Variants in AGAP1 observed in about 807,000 individuals in gnomAD.
The protein encoded by AGAP1 is arf-GAP with GTPase, ANK repeat and PH domain-containing protein 1.
Under a neutral mutation model 105.3 loss-of-function variants are expected in AGAP1, and 29 were observed. The ratio of observed to expected loss-of-function variants is 0.28; its 90% CI spans 0.21 to 0.38. The LOEUF is 0.38. AGAP1 is among the 10% of genes least tolerant of loss of function. The pLI, the probability that AGAP1 is intolerant of heterozygous loss-of-function variation, is 1.00. For synonymous variants in AGAP1, 509 were observed against 485.9 expected (o/e 1.05, Z -0.63); for missense variants, 998 against 1,165.1 (o/e 0.86, Z 2.09).
At chr2:235,880,954 C>G (rs1221963667) in intron 9 of AGAP1, among the ~76,000 whole-genome samples, 3 of 152,118 alleles carry the variant, frequency 2.0e-5, no homozygotes, top group African/African-American at 7.2e-5. Context: ...TTCCTGTGGG[C>G]TTCATTGGGT....
rs564012181 is a variant in AGAP1 at position 236,105,773 on chromosome 2, A to G, written c.2115-14419A>G. On this transcript the variant is annotated intron_variant, in intron 16 of 17. Transcript: ENST00000304032. This position sits in a 1 kb window ranked among gnomAD's most constrained non-coding sequence, Gnocchi z 4.2. Reference sequence around the variant, plus strand: ...CATGCCCGGCTGATTTTGTTTTTGTATTTTTAGTAGAGACGGGGTTTCACC... The same window carrying G: ...CATGCCCGGCTGATTTTGTTTTTGTGTTTTTAGTAGAGACGGGGTTTCACC... Among the ~76,000 whole-genome samples, 49 of 151,878 alleles carry G rather than the reference A, an allele frequency of 3.2e-4. No individual in the cohort carries two copies. The highest frequency in any genetic ancestry group is 1.2e-3 in the African/African-American group (49 of 41,436).
Position 235,729,499 on chromosome 2 carries a change from G to A in AGAP1, c.311-11464G>A, listed in dbSNP as rs373610395. Among the ~76,000 whole-genome samples the A allele has an allele frequency of 7.1e-4, 108 of 152,268 alleles. 1 individual carries two copies. Among genetic ancestry groups the A allele is most frequent in the African/African-American group, 2.5e-3 (104 of 41,514 alleles). ...CCTCCCCCAGGAGGATGCTGTAGGGGCAGTCTCACGGCGGTCTCACCTCTG... is the reference window on the plus strand; with the variant it reads ...CCTCCCCCAGGAGGATGCTGTAGGGACAGTCTCACGGCGGTCTCACCTCTG... On this transcript the variant is annotated intron_variant, in intron 3 of 17. Transcript: ENST00000304032. The surrounding 1 kb of genome is among the most constrained non-coding windows in gnomAD (Gnocchi z 5.0).
chr2:235,526,404 A>G (rs1459515184), intron 1 of AGAP1, among the ~76,000 whole-genome samples: 1 of 152,232 alleles, frequency 6.6e-6, no homozygotes, highest in African/African-American at 2.4e-5. Context: ...GGTGCACCAC[A>G]GATGTCTTGG....
At position 235,575,640 on chromosome 2, in the gene AGAP1, C is replaced by T. The variant is rs953393178; in HGVS notation, c.163+80791C>T. 3.9e-5 allele frequency among the ~76,000 whole-genome samples: 6 copies of T among 152,210 alleles called. No homozygotes were observed. The South Asian group carries it at 6.2e-4, about 16-fold the overall frequency. ...GTATCCAGAGACAAACTCAGACATGCGCCCTGGGCTCTACTCCTGGAACCT... is the reference window on the plus strand; with the variant it reads ...GTATCCAGAGACAAACTCAGACATGTGCCCTGGGCTCTACTCCTGGAACCT... On this transcript the variant is annotated intron_variant, in intron 1 of 17. Transcript: ENST00000304032.
chr2:235,642,973 G>T lies in AGAP1; in HGVS notation c.164-66206G>T, dbSNP rs1292993976. Among the ~76,000 whole-genome samples, 1 of 152,192 alleles carries T rather than the reference G, an allele frequency of 6.6e-6. No individual in the cohort carries two copies. The highest frequency in any genetic ancestry group is 1.9e-4 in the East Asian group (1 of 5,190). On this transcript the variant is annotated intron_variant, in intron 1 of 17. Coordinates refer to ENST00000304032, the MANE Select transcript of AGAP1 (RefSeq NM_001037131.3). The surrounding 1 kb of genome is among the most constrained non-coding windows in gnomAD (Gnocchi z 4.1). ...CCTGGCAAGGTACCGAACGGTGGAGGTGACTGTAGGATTAGCCCCGGCTTT... is the reference window on the plus strand; with the variant it reads ...CCTGGCAAGGTACCGAACGGTGGAGTTGACTGTAGGATTAGCCCCGGCTTT...
At chr2:236,075,911 T>C (rs910043407) in intron 16 of AGAP1, among the ~76,000 whole-genome samples, 1 of 152,310 alleles carries the variant, frequency 6.6e-6, no homozygotes, top group Admixed American at 6.5e-5. Context: ...AGAAGTTCCA[T>C]TAGAGCAAAC....
At chr2:235,628,772 C>T (rs1281134329) in intron 1 of AGAP1, among the ~76,000 whole-genome samples, 3 of 152,028 alleles carry the variant, frequency 2.0e-5, no homozygotes, top group Non-Finnish European at 2.9e-5. Flanking sequence ...CCCTGCTTCC[C>T]CTCCCATCCT....
At chr2:235,911,406 G>C (rs2051607855) in intron 11 of AGAP1, among the ~76,000 whole-genome samples, 1 of 152,188 alleles carries the variant, frequency 6.6e-6, no homozygotes, top group South Asian at 2.1e-4. Context: ...GGGGCTACCT[G>C]CTGAGTTTGA....
At chr2:235,537,216 C>T (rs543422564) in intron 1 of AGAP1, among the ~76,000 whole-genome samples, 7 of 152,254 alleles carry the variant, frequency 4.6e-5, no homozygotes, top group South Asian at 4.2e-4. Flanking sequence ...ACAATGAGAG[C>T]GGGGGTGGTG....
rs2059843778 is a variant in AGAP1, at chr2:236,119,209, A to G, written c.2115-983A>G. Among the ~76,000 whole-genome samples the G allele has an allele frequency of 6.6e-6, 1 of 151,400 alleles. No homozygotes were observed. The highest frequency in any genetic ancestry group is 1.5e-5 in the Non-Finnish European group (1 of 67,832). On this transcript the variant is annotated intron_variant, in intron 16 of 17. Transcript: ENST00000304032. The surrounding 1 kb of genome is among the most constrained non-coding windows in gnomAD (Gnocchi z 6.6). ...GCATCATCCACTCTCCACACCTCCG[A>G]CCCCATCCACCCCCTCCCCAGCTTT...
chr2:236,010,799 A>G (rs917212398), intron 13 of AGAP1, among the ~76,000 whole-genome samples: 3 of 152,238 alleles, frequency 2.0e-5, no homozygotes, highest in African/African-American at 4.8e-5. Flanking sequence ...ATTTTGTCTT[A>G]GAGTTTGGGA....
chr2:235,800,479 G>A (rs6760477), intron 8 of AGAP1, among the ~76,000 whole-genome samples: 83,035 of 151,838 alleles, frequency 0.55, 23,104 homozygotes, highest in Admixed American at 0.59. Flanking sequence ...CAAAAATGCT[G>A]CCAGCCTGTC....
In AGAP1 at chr2:235,824,751, T is replaced by G. The variant is rs1365828354; in HGVS notation, c.1050+17420T>G. 5.9e-5 allele frequency among the ~76,000 whole-genome samples: 9 copies of G among 152,166 alleles called. No individual in the cohort carries two copies. Among genetic ancestry groups the G allele is most frequent in the African/African-American group, 1.4e-4 (6 of 41,430 alleles). On this transcript the variant is annotated intron_variant, in intron 9 of 17. Coordinates refer to ENST00000304032, the MANE Select transcript of AGAP1 (RefSeq NM_001037131.3). The surrounding 1 kb of genome is among the most constrained non-coding windows in gnomAD (Gnocchi z 5.2). ...GTGCCCTTATATGAGACGGCCTGCA[T>G]TCTTTCGCGGTACCAAGAAATGCTC...
chr2:235,799,302 C>G lies in AGAP1; in HGVS notation c.802-65C>G. On this transcript the variant is annotated intron_variant, in intron 7 of 17. Coordinates refer to ENST00000304032, the MANE Select transcript of AGAP1 (RefSeq NM_001037131.3). The surrounding 1 kb of genome is among the most constrained non-coding windows in gnomAD (Gnocchi z 5.0). The stretch of plus-strand genomic sequence containing the variant: ...TGCTCACTTGTTGGTTATGACCTTG[C>G]CTAAGTGGAGGTCTTGGGTTCCTGA... 2 of 1,566,760 alleles carry G rather than the reference C, an allele frequency of 1.3e-6. No individual in the cohort carries two copies. Among genetic ancestry groups the G allele is most frequent in the South Asian group, 1.2e-5 (1 of 83,438 alleles).
At position 235,566,891 on chromosome 2, in the gene AGAP1, C is replaced by T. The variant is rs893099366; in HGVS notation, c.163+72042C>T. On this transcript the variant is annotated intron_variant, in intron 1 of 17. Coordinates refer to ENST00000304032, the MANE Select transcript of AGAP1 (RefSeq NM_001037131.3). The surrounding 1 kb of genome is among the most constrained non-coding windows in gnomAD (Gnocchi z 5.2). ...GGATCAAGGTGTGCCCAGAGCTGTGCTCCCTCCAGAGGATAGAGCAGGATT... is the reference window on the plus strand; with the variant it reads ...GGATCAAGGTGTGCCCAGAGCTGTGTTCCCTCCAGAGGATAGAGCAGGATT... Among the ~76,000 whole-genome samples the T allele has an allele frequency of 6.6e-6, 1 of 152,210 alleles. No individual in the cohort carries two copies. Among genetic ancestry groups the T allele is most frequent in the Non-Finnish European group, 1.5e-5 (1 of 68,028 alleles).
chr2:236,048,136 G>A (rs538292658), intron 15 of AGAP1, among the ~76,000 whole-genome samples: 3 of 152,300 alleles, frequency 2.0e-5, no homozygotes, highest in Middle Eastern at 6.8e-3. Context: ...TCCCAGGTGA[G>A]TAAGCCGTAT....
In AGAP1 at chr2:235,740,853, C is replaced by T; in HGVS notation, c.311-110C>T. ...GGCAACATCCTAAATACTCAGTTGC[C>T]TCCAGGGCGACAGCCTAGGGTGTAT... On this transcript the variant is annotated intron_variant, in intron 3 of 17. Transcript: ENST00000304032. The surrounding 1 kb of genome is among the most constrained non-coding windows in gnomAD (Gnocchi z 5.7). 1 of 1,285,760 alleles carries T rather than the reference C, an allele frequency of 7.8e-7. No homozygotes were observed. The highest frequency in any genetic ancestry group is 1.9e-5 in the Admixed American group (1 of 52,554). The allele number at this position is 1,285,760 out of a possible 1,614,324, so 79.6% of individuals were successfully genotyped here. A position where few individuals can be genotyped will look rare whatever the true frequency, so the allele number is the denominator to read the frequency against.
At position 235,612,877 on chromosome 2, in the gene AGAP1, G is replaced by A. The variant is rs549164673; in HGVS notation, c.164-96302G>A. ...CTGCTTCCAGTGAGACTCCGCCCAG[G>A]TTATGTTTGTGGCCTTTTATCTCTC... On this transcript the variant is annotated intron_variant, in intron 1 of 17. Coordinates refer to ENST00000304032, the MANE Select transcript of AGAP1 (RefSeq NM_001037131.3). This position sits in a 1 kb window ranked among gnomAD's most constrained non-coding sequence, Gnocchi z 4.3. Among the ~76,000 whole-genome samples, 11 of 152,276 alleles carry A rather than the reference G, an allele frequency of 7.2e-5. No individual in the cohort carries two copies. The highest frequency in any genetic ancestry group is 2.6e-4 in the African/African-American group (11 of 41,562).
chr2:235,702,472 G>A (rs1030896796), intron 1 of AGAP1, among the ~76,000 whole-genome samples: 24 of 152,170 alleles, frequency 1.6e-4, no homozygotes, highest in Non-Finnish European at 2.9e-4. Flanking sequence ...CTCATCTCAG[G>A]TCCAGAATCC....
Sources: allele counts gnomAD v4.1 joint callset (sites outside exome capture counted in the v4.1 genomes callset), GRCh38; gene constraint gnomAD v4.1.1; non-coding constraint Gnocchi (gnomAD v3.1); transcripts MANE v1.5; gene names NCBI Gene and HGNC (gene_info 2026-07-23, HGNC 2026-07-21).